Variants in MIPEP observed in about 807,000 individuals in gnomAD.
MIPEP encodes the protein mitochondrial intermediate peptidase.
A neutral mutation model predicts 90.3 loss-of-function variants in MIPEP; 79 were observed. That is an observed-to-expected ratio of 0.87 (90% CI 0.73 to 1.05). The LOEUF (loss-of-function observed/expected upper bound fraction) is 1.05. Ranked by LOEUF, MIPEP falls within the 50% of genes least tolerant of loss-of-function variation. The pLI, the probability that MIPEP is intolerant of heterozygous loss-of-function variation, is 0.00. For missense variants in MIPEP, 940 were observed against 905.6 expected, an observed-to-expected ratio of 1.04 and a Z score of -0.49; for synonymous variants, 334 against 315.8, an observed-to-expected ratio of 1.06 and a Z score of -0.61.
At chr13:23,886,780 C>T (rs765786629) in intron 1 of MIPEP, among the ~76,000 whole-genome samples, 1 of 151,890 alleles carries the variant, frequency 6.6e-6, no homozygotes, top group Non-Finnish European at 1.5e-5. Context: ...CCAGCTGTCA[C>T]TTCTACAGAA....
intron 18 of MIPEP, among the ~76,000 whole-genome samples, chr13:23,733,411 G>A (rs1952226343): frequency 6.6e-6 from 1 of 152,194 alleles, no homozygotes. Flanking sequence ...GAACATGAGA[G>A]GTCCCAGGGC....
chr13:23,798,060 A>G (rs1952982973), intron 16 of MIPEP, among the ~76,000 whole-genome samples: 1 of 152,264 alleles, frequency 6.6e-6, no homozygotes, highest in Non-Finnish European at 1.5e-5. Flanking sequence ...ACCATGTGGT[A>G]GCACGTAGTA....
intron 16 of MIPEP, among the ~76,000 whole-genome samples, chr13:23,781,212 G>T (rs1407219941): frequency 6.6e-6 from 1 of 152,088 alleles, no homozygotes; most frequent in East Asian, 1.9e-4. Flanking sequence ...GAGAAAGGTC[G>T]GGTTACCCAC....
intron 16 of MIPEP, among the ~76,000 whole-genome samples, chr13:23,799,406 C>T (rs945389438): frequency 1.3e-5 from 2 of 152,114 alleles, no homozygotes; most frequent in Non-Finnish European, 2.9e-5. Flanking sequence ...GGGCTCACTG[C>T]AAGCTCCGCC....
intron 16 of MIPEP, among the ~76,000 whole-genome samples, chr13:23,788,971 C>T (rs1475298808): frequency 5.9e-5 from 9 of 152,304 alleles, no homozygotes; most frequent in African/African-American, 2.2e-4. Flanking sequence ...GCAACATGCC[C>T]AGCTAAGTTT....
Position 23,861,513 on chromosome 13 carries a change from T to A in MIPEP, c.1053+789A>T, listed in dbSNP as rs77463083. 4.3e-3 allele frequency among the ~76,000 whole-genome samples: 656 copies of A among 152,336 alleles called. 8 individuals carry two copies. Among genetic ancestry groups the A allele is most frequent in the African/African-American group, 0.015 (603 of 41,562 alleles). On this transcript the variant is annotated intron_variant, in intron 9 of 18. Transcript: ENST00000382172. ...ACATCGCTGAGTTTAATGGGATTAATCTGTTTCCTAGTGGCTGTATCTGGG... is the reference window on the plus strand; with the variant it reads ...ACATCGCTGAGTTTAATGGGATTAAACTGTTTCCTAGTGGCTGTATCTGGG...
chr13:23,745,440 C>T (rs1013096555), intron 18 of MIPEP, among the ~76,000 whole-genome samples: 2 of 152,182 alleles, frequency 1.3e-5, no homozygotes, highest in Admixed American at 1.3e-4. Context: ...AGCAACATTT[C>T]ATAAAAGAGT....
chr13:23,769,438 C>T (rs1393623023), intron 16 of MIPEP, among the ~76,000 whole-genome samples: 1 of 152,300 alleles, frequency 6.6e-6, no homozygotes, highest in East Asian at 1.9e-4. Flanking sequence ...CTTTGTAGAC[C>T]ATGAGATTTT....
At chr13:23,742,196 T>C (rs1298481650) in intron 18 of MIPEP, among the ~76,000 whole-genome samples, 1 of 152,236 alleles carries the variant, frequency 6.6e-6, no homozygotes, top group Admixed American at 6.5e-5. Context: ...CTTCTGACTA[T>C]ACAAAAGTTT....
At chr13:23,779,415 A>G (rs1459004858) in intron 16 of MIPEP, among the ~76,000 whole-genome samples, 1 of 152,190 alleles carries the variant, frequency 6.6e-6, no homozygotes, top group Non-Finnish European at 1.5e-5. Flanking sequence ...GAGGATAAAC[A>G]TCCCATTCAC....
intron 3 of MIPEP, among the ~76,000 whole-genome samples, chr13:23,880,910 C>G (rs893807975): frequency 2.4e-4 from 37 of 152,286 alleles, no homozygotes; most frequent in South Asian, 1.9e-3. Flanking sequence ...CGTGTTACCC[C>G]CTTTTCCCTG....
At chr13:23,888,746 G>A (rs1056968629) in intron 1 of MIPEP, 1 of 1,024,780 alleles carries the variant, frequency 9.8e-7, no homozygotes, top group Non-Finnish European at 1.2e-6. Context: ...AACGCACAGG[G>A]ATAGGCCTCT....
At chr13:23,818,752 A>G (rs1593172032) in intron 14 of MIPEP, among the ~76,000 whole-genome samples, 1 of 152,360 alleles carries the variant, frequency 6.6e-6, no homozygotes, top group Admixed American at 6.5e-5. Flanking sequence ...TAGTAAGGTT[A>G]GAGTTCATTA....
chr13:23,770,399 C>A (rs1314437574), intron 16 of MIPEP, among the ~76,000 whole-genome samples: 12 of 152,296 alleles, frequency 7.9e-5, no homozygotes, highest in African/African-American at 2.9e-4. Flanking sequence ...GCTTCTTCAA[C>A]AAGACCTTCT....
chr13:23,773,451 A>C (rs1287578994), intron 16 of MIPEP, among the ~76,000 whole-genome samples: 1 of 152,106 alleles, frequency 6.6e-6, no homozygotes, highest in Non-Finnish European at 1.5e-5. Flanking sequence ...ATATGTTTTC[A>C]GTTCTATTGG....
intron 5 of MIPEP, among the ~76,000 whole-genome samples, chr13:23,873,704 G>A (rs1870932971): frequency 6.6e-6 from 1 of 152,190 alleles, no homozygotes; most frequent in African/African-American, 2.4e-5. Context: ...CAAGGACTTG[G>A]TTAGAAGATA....
chr13:23,858,640 G>A (rs749835598), intron 10 of MIPEP, among the ~76,000 whole-genome samples: 9 of 151,976 alleles, frequency 5.9e-5, no homozygotes, highest in Non-Finnish European at 1.2e-4. Flanking sequence ...AGAAAGCTAC[G>A]CAAGGGCAGA....
intron 16 of MIPEP, among the ~76,000 whole-genome samples, chr13:23,770,374 G>A (rs1952635103): frequency 6.6e-6 from 1 of 152,032 alleles, no homozygotes; most frequent in African/African-American, 2.4e-5. Flanking sequence ...TTTCCTCAAT[G>A]TCTTTTTAAA....
At chr13:23,871,213 G>T (rs559986820) in intron 5 of MIPEP, among the ~76,000 whole-genome samples, 1 of 152,188 alleles carries the variant, frequency 6.6e-6, no homozygotes, top group Non-Finnish European at 1.5e-5. Context: ...GACGTGGATG[G>T]TGCGGACACA....
Sources: allele counts gnomAD v4.1 joint callset (sites outside exome capture counted in the v4.1 genomes callset), GRCh38; gene constraint gnomAD v4.1.1; transcripts MANE v1.5; gene names NCBI Gene and HGNC (gene_info 2026-07-23, HGNC 2026-07-21).